GLCCI1: variants seen among roughly 807,000 people sequenced by gnomAD.
GLCCI1 encodes glucocorticoid-induced transcript 1 protein.
GLCCI1 carries 24 observed loss-of-function variants against 52.2 expected under a neutral mutation model. The observed-to-expected ratio is 0.46, with a 90% CI of 0.33 to 0.65. GLCCI1 has a LOEUF of 0.65. Ranked by LOEUF, GLCCI1 falls within the 30% of genes least tolerant of loss-of-function variation. The pLI is 0.02. For synonymous variants in GLCCI1, 310 were observed against 276.5 expected (o/e 1.12, Z -1.20); for missense variants, 704 against 701.5 (o/e 1.00, Z -0.04).
intron 5 of GLCCI1, among the ~76,000 whole-genome samples, chr7:8,061,657 CTTTTTTTTT>C (rs61377819): frequency 7.7e-4 from 60 of 78,378 alleles, no homozygotes; most frequent in South Asian, 2.2e-3. Context: ...CCATTGAACT[CTTTTTTTTT>C]TTTTTTTTTT....
intron 3 of GLCCI1, among the ~76,000 whole-genome samples, chr7:8,033,278 T>G (rs556346895): frequency 2.6e-5 from 4 of 152,098 alleles, no homozygotes; most frequent in South Asian, 2.1e-4. Flanking sequence ...ACTGCATTTA[T>G]GAAAAACCTA....
At chr7:8,006,544 T>C (rs1246477764) in intron 2 of GLCCI1, among the ~76,000 whole-genome samples, 1 of 152,186 alleles carries the variant, frequency 6.6e-6, no homozygotes, top group Non-Finnish European at 1.5e-5. Context: ...TTTAAGTTAG[T>C]AGTAGTATAT....
At chr7:8,035,973 G>C (rs560545791) in intron 3 of GLCCI1, among the ~76,000 whole-genome samples, 6 of 152,340 alleles carry the variant, frequency 3.9e-5, no homozygotes, top group African/African-American at 1.4e-4. Context: ...CAGGGGCTGA[G>C]CAGAGATCTC....
intron 6 of GLCCI1, among the ~76,000 whole-genome samples, chr7:8,079,461 A>G (rs1782948287): frequency 6.6e-6 from 1 of 151,558 alleles, no homozygotes; most frequent in Non-Finnish European, 1.5e-5. Flanking sequence ...TACAATCATT[A>G]TTTTAGTCTA....
At chr7:8,030,125 C>A (rs979146269) in intron 3 of GLCCI1, among the ~76,000 whole-genome samples, 85 of 152,158 alleles carry the variant, frequency 5.6e-4, no homozygotes, top group African/African-American at 1.7e-3. Flanking sequence ...GGAGGAATGA[C>A]ATGACCTGAC....
At chr7:8,082,231 A>G (rs1783010774) in intron 6 of GLCCI1, among the ~76,000 whole-genome samples, 1 of 152,240 alleles carries the variant, frequency 6.6e-6, no homozygotes, top group Non-Finnish European at 1.5e-5. Flanking sequence ...TAGGTTGGTC[A>G]TATGGGTTGT....
At chr7:8,014,030 C>T (rs1293675694) in intron 2 of GLCCI1, among the ~76,000 whole-genome samples, 1 of 149,086 alleles carries the variant, frequency 6.7e-6, no homozygotes, top group East Asian at 2.0e-4. Flanking sequence ...TGCTCTGTCG[C>T]CCAGGCTGGA....
At chr7:8,011,498 A>G (rs964461072) in intron 2 of GLCCI1, among the ~76,000 whole-genome samples, 17 of 152,128 alleles carry the variant, frequency 1.1e-4, no homozygotes, top group African/African-American at 4.1e-4. Flanking sequence ...AAGCAGAATA[A>G]TATTCCATTA....
intron 1 of GLCCI1, among the ~76,000 whole-genome samples, chr7:7,975,723 G>A (rs1171758368): frequency 6.6e-6 from 1 of 152,140 alleles, no homozygotes; most frequent in Non-Finnish European, 1.5e-5. Context: ...AGATGGATTG[G>A]CCATTTTTCT....
intron 2 of GLCCI1, among the ~76,000 whole-genome samples, chr7:8,017,851 AC>A (rs1398824448): frequency 6.6e-6 from 1 of 152,200 alleles, no homozygotes; most frequent in African/African-American, 2.4e-5. Flanking sequence ...GGATAATTAC[AC>A]TAGAACCACA....
chr7:7,998,186 T>G (rs398089015), intron 1 of GLCCI1, among the ~76,000 whole-genome samples: 204 of 106,418 alleles, frequency 1.9e-3, no homozygotes, highest in Middle Eastern at 6.3e-3. Flanking sequence ...GTTTTTTTTT[T>G]TTTTTGTTGT....
chr7:7,995,750 G>T (rs1037924747), intron 1 of GLCCI1, among the ~76,000 whole-genome samples: 2 of 152,120 alleles, frequency 1.3e-5, no homozygotes, highest in African/African-American at 2.4e-5. Context: ...AGGGCCTGTC[G>T]TGGGGTGGGG....
chr7:8,023,240 C>T (rs890803601), intron 3 of GLCCI1, among the ~76,000 whole-genome samples: 2 of 152,160 alleles, frequency 1.3e-5, no homozygotes, highest in Non-Finnish European at 2.9e-5. Context: ...TGGTCTCAAT[C>T]TCCTGACCTC....
chr7:8,036,906 C>T (rs893804649), intron 3 of GLCCI1, among the ~76,000 whole-genome samples: 1 of 152,064 alleles, frequency 6.6e-6, no homozygotes, highest in Non-Finnish European at 1.5e-5. Context: ...TATGTAAAAC[C>T]TCCAAACCTT....
chr7:8,009,237 A>G (rs1283117906), intron 2 of GLCCI1, among the ~76,000 whole-genome samples: 1 of 152,226 alleles, frequency 6.6e-6, no homozygotes, highest in Non-Finnish European at 1.5e-5. Flanking sequence ...ATGTATTACC[A>G]ACTCTTAAAA....
chr7:8,013,782 TTTACATAC>T (rs1361724962), intron 2 of GLCCI1, among the ~76,000 whole-genome samples: 3 of 152,304 alleles, frequency 2.0e-5, no homozygotes, highest in Admixed American at 2.0e-4. Flanking sequence ...TAATATCTAA[TTTACATAC>T]AGGACATCTT....
At chr7:8,054,183 TTTC>T (rs1354193027) in intron 3 of GLCCI1, among the ~76,000 whole-genome samples, 1 of 152,176 alleles carries the variant, frequency 6.6e-6, no homozygotes, top group Non-Finnish European at 1.5e-5. Context: ...TGAAATCCTA[TTTC>T]TTTTTTATCA....
chr7:8,054,323 C>G (rs191876947), intron 3 of GLCCI1, among the ~76,000 whole-genome samples: 17 of 152,218 alleles, frequency 1.1e-4, no homozygotes, highest in South Asian at 6.2e-4. Context: ...CAAATATTCA[C>G]ATAATCTTAT....
chr7:7,993,391 CA>C (rs1780882507), intron 1 of GLCCI1, among the ~76,000 whole-genome samples: 1 of 152,154 alleles, frequency 6.6e-6, no homozygotes, highest in Non-Finnish European at 1.5e-5. Context: ...ATTAGACTCT[CA>C]GTAATTTCTC....
Sources: allele counts gnomAD v4.1 joint callset (sites outside exome capture counted in the v4.1 genomes callset), GRCh38; gene constraint gnomAD v4.1.1; transcripts MANE v1.5; gene names NCBI Gene and HGNC (gene_info 2026-07-23, HGNC 2026-07-21).